Variants in NEK10 observed in about 807,000 individuals in gnomAD.
The protein encoded by NEK10 is NIMA related kinase 10.
In NEK10, 122 loss-of-function variants were observed where a neutral mutation model predicts 159.8. That is an observed-to-expected ratio of 0.76 (90% CI 0.66 to 0.89). The LOEUF is 0.89. Among genes scored for constraint, NEK10 ranks in the 40% least tolerant of loss-of-function variants. NEK10 has a pLI of 0.00. For missense variants in NEK10, 1,342 were observed against 1,323.1 expected (o/e 1.01, Z -0.22); for synonymous variants, 466 against 457.1 (o/e 1.02, Z -0.25).
At chr3:27,162,083 A>T (rs1946062856) in intron 30 of NEK10, among the ~76,000 whole-genome samples, 1 of 152,196 alleles carries the variant, frequency 6.6e-6, no homozygotes, top group African/African-American at 2.4e-5. Flanking sequence ...ATAGAAAAAA[A>T]TATGACTTAC....
intron 6 of NEK10, 30 bp downstream of exon 6, chr3:27,322,146 TA>T (rs11393122): frequency 3.6e-3 from 3,568 of 986,616 alleles, no homozygotes; most frequent in South Asian, 4.8e-3. Context: ...TTATAACAAG[TA>T]AAAAAAAAAA....
At chr3:27,335,181 A>C (rs909545929) in intron 5 of NEK10, among the ~76,000 whole-genome samples, 1 of 151,856 alleles carries the variant, frequency 6.6e-6, no homozygotes, top group Admixed American at 6.6e-5. Flanking sequence ...TCTACTAAAA[A>C]CTACAAAAAT....
intron 10 of NEK10, 68 bp from the exon 11 acceptor site, chr3:27,308,013 T>A: frequency 1.3e-6 from 1 of 778,096 alleles, no homozygotes; most frequent in Non-Finnish European, 2.3e-6. Flanking sequence ...TAGTCCTTTT[T>A]CAAACTGGTA....
chr3:27,310,848 A>G lies in NEK10; in HGVS notation c.636+101T>C, dbSNP rs144385984. On this transcript the variant is annotated intron_variant, in intron 9 of 35. Coordinates refer to ENST00000691995, the MANE Select transcript of NEK10 (RefSeq NM_001394966.1). ...TCAGGCCAGGCTGGTAGGTTTGTGG[A>G]TTCTAATTACACATGACTTAACCGC... 742 of 672,780 alleles carry G rather than the reference A, an allele frequency of 1.1e-3. 8 individuals are homozygous for G. The East Asian group carries it at 0.019, about 17-fold the overall frequency. 41.7% of individuals were successfully genotyped at this position (672,780 alleles called of 1,614,324 possible).
At chr3:27,240,892 G>C (rs987896732) in intron 23 of NEK10, among the ~76,000 whole-genome samples, 3 of 152,116 alleles carry the variant, frequency 2.0e-5, no homozygotes, top group Admixed American at 1.3e-4. Flanking sequence ...GACCTCAGGT[G>C]ATCTGCCTGC....
At chr3:27,290,794 G>T (rs746268841) in intron 18 of NEK10, 40 bp from the exon 19 acceptor site, 1 of 1,484,348 alleles carries the variant, frequency 6.7e-7, no homozygotes, top group East Asian at 2.3e-5. Flanking sequence ...AAAGGAACAG[G>T]GTAAAGAAGG....
intron 30 of NEK10, among the ~76,000 whole-genome samples, chr3:27,159,123 G>T (rs898838622): frequency 6.6e-6 from 1 of 152,060 alleles, no homozygotes; most frequent in Non-Finnish European, 1.5e-5. Flanking sequence ...AGTAGGAAAC[G>T]TATTCCTTTT....
intron 26 of NEK10, among the ~76,000 whole-genome samples, chr3:27,184,949 T>A (rs1948474819): frequency 6.6e-6 from 1 of 152,152 alleles, no homozygotes; most frequent in Non-Finnish European, 1.5e-5. Flanking sequence ...AAATAGCACA[T>A]TTTTTAATTT....
chr3:27,212,283 C>G lies in NEK10; in HGVS notation c.2091-9726G>C, dbSNP rs1271085414. On this transcript the variant is annotated intron_variant, in intron 23 of 35. Coordinates refer to ENST00000691995, the MANE Select transcript of NEK10 (RefSeq NM_001394966.1). ...TTTTTATTTTAACAGATAGCTAACG[C>G]ATATTTCAAAGTGACTTTTAAGAAT... 3.3e-5 allele frequency among the ~76,000 whole-genome samples: 5 copies of G among 152,302 alleles called. 1 individual carries two copies. In the South Asian group the frequency reaches 8.3e-4, roughly 25 times the overall value.
At chr3:27,282,489 T>G (rs2042230541) in intron 22 of NEK10, among the ~76,000 whole-genome samples, 1 of 148,244 alleles carries the variant, frequency 6.7e-6, no homozygotes, top group African/African-American at 2.5e-5. Context: ...GAACAGCCAT[T>G]TAAGGAGGAT....
intron 30 of NEK10, among the ~76,000 whole-genome samples, chr3:27,158,216 C>A (rs1482157996): frequency 1.3e-5 from 2 of 152,102 alleles, no homozygotes; most frequent in South Asian, 4.1e-4. Flanking sequence ...CAAATCCCAA[C>A]AATGTATATA....
chr3:27,171,909 T>G, intron 28 of NEK10, 36 bp from the exon 29 acceptor site: 1 of 1,588,396 alleles, frequency 6.3e-7, no homozygotes, highest in Non-Finnish European at 8.6e-7. Context: ...TTACATTATT[T>G]CCTCTGCAAA....
intron 23 of NEK10, among the ~76,000 whole-genome samples, chr3:27,224,548 T>C (rs1341122717): frequency 2.6e-5 from 4 of 152,240 alleles, no homozygotes. Flanking sequence ...AGAAGTCCCA[T>C]AAGATCTGTC....
chr3:27,185,389 G>T, intron 26 of NEK10, among the ~76,000 whole-genome samples: 1 of 152,114 alleles, frequency 6.6e-6, no homozygotes, highest in East Asian at 1.9e-4. Context: ...AAATAGTTTG[G>T]GTAGGAATGT....
chr3:27,195,926 C>T (rs1008971917), intron 25 of NEK10, among the ~76,000 whole-genome samples: 22 of 152,090 alleles, frequency 1.4e-4, no homozygotes, highest in African/African-American at 4.6e-4. Context: ...CTGGGTACTG[C>T]GTTAAGTGGG....
At chr3:27,168,362 A>G (rs1323720193) in intron 29 of NEK10, among the ~76,000 whole-genome samples, 1 of 152,156 alleles carries the variant, frequency 6.6e-6, no homozygotes, top group Non-Finnish European at 1.5e-5. Context: ...CTTCTTATTT[A>G]GCTTCTAAAT....
At chr3:27,181,710 A>G (rs1325702819) in intron 26 of NEK10, among the ~76,000 whole-genome samples, 1 of 152,126 alleles carries the variant, frequency 6.6e-6, no homozygotes, top group Non-Finnish European at 1.5e-5. Flanking sequence ...ACTTAAATAT[A>G]GTTTTATTTA....
chr3:27,224,039 A>C (rs559570525), intron 23 of NEK10, among the ~76,000 whole-genome samples: 1 of 152,338 alleles, frequency 6.6e-6, no homozygotes, highest in South Asian at 2.1e-4. Flanking sequence ...GAGGTAATCA[A>C]GTTAAGATGA....
At chr3:27,311,573 G>A (rs1333423884) in intron 8 of NEK10, 2 of 163,328 alleles carry the variant, frequency 1.2e-5, no homozygotes, top group East Asian at 3.7e-4. Flanking sequence ...CAGGACGTCT[G>A]TGACTCATCA....
Sources: gnomAD v4.1 joint callset for allele counts (sites outside exome capture counted in the v4.1 genomes callset) on GRCh38, gnomAD v4.1.1 for gene constraint, MANE v1.5 for transcripts, NCBI Gene and HGNC (gene_info 2026-07-23, HGNC 2026-07-21) for gene names.